Variants in MAP2K4 observed in about 807,000 individuals in gnomAD.
MAP2K4 encodes the protein mitogen-activated protein kinase kinase 4.
MAP2K4 carries 4 observed loss-of-function variants against 48.5 expected under a neutral mutation model. That is an observed-to-expected ratio of 0.08 (90% CI 0.04 to 0.19). MAP2K4 has a LOEUF of 0.19. MAP2K4 is among the 10% of genes least tolerant of loss of function. MAP2K4 has a pLI of 1.00. For synonymous variants in MAP2K4, 166 were observed against 173.1 expected (o/e 0.96, Z 0.32); for missense variants, 258 against 493.3 (o/e 0.52, Z 4.52).
At chr17:12,083,773 A>G (rs1161413279) in intron 3 of MAP2K4, among the ~76,000 whole-genome samples, 2 of 152,232 alleles carry the variant, frequency 1.3e-5, no homozygotes, top group Non-Finnish European at 2.9e-5. Context: ...GAGTTCATTC[A>G]TTCCTCATTT....
intron 9 of MAP2K4, among the ~76,000 whole-genome samples, chr17:12,135,514 G>T (rs542186304): frequency 6.6e-6 from 1 of 152,128 alleles, no homozygotes; most frequent in Non-Finnish European, 1.5e-5. Context: ...TTACAGTGGC[G>T]TGAGCCACTG....
intron 2 of MAP2K4, among the ~76,000 whole-genome samples, chr17:12,078,970 T>C (rs992119927): frequency 3.3e-5 from 5 of 152,240 alleles, no homozygotes; most frequent in Non-Finnish European, 7.3e-5. Context: ...CTTGGTGATG[T>C]CATAACTGTG....
chr17:12,062,643 A>G (rs1970486535), intron 2 of MAP2K4, among the ~76,000 whole-genome samples: 2 of 152,206 alleles, frequency 1.3e-5, no homozygotes, highest in African/African-American at 2.4e-5. Context: ...ATGTCTTTAA[A>G]TAAATAACCC....
chr17:12,061,281 T>G lies in MAP2K4; in HGVS notation c.218+6290T>G, dbSNP rs577914387. 6.6e-5 allele frequency among the ~76,000 whole-genome samples: 10 copies of G among 152,314 alleles called. No homozygotes were observed. In the South Asian group the frequency reaches 1.5e-3, roughly 22 times the overall value. ...GGCTCTAGTAAATAATGATGCTGTG[T>G]TTGGGATAATCTTTAAAGCTTAGAT... is the stretch of plus-strand genomic sequence containing the variant. On this transcript the variant is annotated intron_variant, in intron 2 of 10. Coordinates refer to ENST00000353533, the MANE Select transcript of MAP2K4 (RefSeq NM_003010.4).
intron 5 of MAP2K4, among the ~76,000 whole-genome samples, chr17:12,109,223 A>G (rs1056573522): frequency 3.3e-5 from 5 of 152,190 alleles, no homozygotes; most frequent in Non-Finnish European, 7.4e-5. Context: ...CCGCTGTATA[A>G]CAGGGTGACC....
At chr17:12,128,598 T>G (rs576707711) in intron 8 of MAP2K4, among the ~76,000 whole-genome samples, 5 of 152,152 alleles carry the variant, frequency 3.3e-5, no homozygotes, top group Admixed American at 6.5e-5. Flanking sequence ...CTTCACTACT[T>G]GTAAAATCTG....
intron 4 of MAP2K4, among the ~76,000 whole-genome samples, chr17:12,101,906 A>G (rs1251198093): frequency 6.6e-6 from 1 of 152,034 alleles, no homozygotes; most frequent in Admixed American, 6.6e-5. Context: ...AGCTTTTTTT[A>G]CCTGCCTTCA....
chr17:12,032,266 G>A, intron 1 of MAP2K4: 1 of 1,414,494 alleles, frequency 7.1e-7, no homozygotes, highest in South Asian at 1.5e-5. Context: ...TTTACTTTAG[G>A]CTTTCAGATA....
intron 1 of MAP2K4, among the ~76,000 whole-genome samples, chr17:12,053,120 A>G (rs1204050077): frequency 1.3e-5 from 2 of 152,146 alleles, no homozygotes; most frequent in South Asian, 2.1e-4. Flanking sequence ...GTAATCCTCT[A>G]TCTTTAAATA....
At chr17:12,122,234 A>G (rs1355771363) in intron 7 of MAP2K4, among the ~76,000 whole-genome samples, 3 of 152,238 alleles carry the variant, frequency 2.0e-5, no homozygotes, top group Non-Finnish European at 4.4e-5. Context: ...ATAATCAACT[A>G]TTCCGTACTT....
At chr17:12,124,282 CCTCTCT>C (rs1972782623) in intron 7 of MAP2K4, 1 of 151,938 alleles carries the variant, frequency 6.6e-6, no homozygotes, top group Non-Finnish European at 1.5e-5. Context: ...CCAACAGGAC[CCTCTCT>C]CTCTCTTCCC....
intron 2 of MAP2K4, among the ~76,000 whole-genome samples, chr17:12,059,102 A>C (rs984086285): frequency 6.6e-6 from 1 of 152,268 alleles, no homozygotes; most frequent in African/African-American, 2.4e-5. Context: ...ATCAATGATT[A>C]AAATTAGAAA....
At chr17:12,134,701 G>T (rs141519783) in intron 9 of MAP2K4, among the ~76,000 whole-genome samples, 8 of 152,204 alleles carry the variant, frequency 5.3e-5, no homozygotes, top group Admixed American at 2.0e-4. Flanking sequence ...ATCTAGATGT[G>T]TTCTGAGAAA....
At chr17:12,064,071 GTA>G (rs111248001) in intron 2 of MAP2K4, among the ~76,000 whole-genome samples, 3 of 150,238 alleles carry the variant, frequency 2.0e-5, no homozygotes, top group South Asian at 4.2e-4. Context: ...CATTCACAAT[GTA>G]TATATATATA....
intron 2 of MAP2K4, among the ~76,000 whole-genome samples, chr17:12,065,384 C>T (rs1230684368): frequency 3.3e-5 from 5 of 150,796 alleles, no homozygotes; most frequent in South Asian, 2.1e-4. Context: ...CTGCAACCTC[C>T]GCCTACTGGG....
At chr17:12,039,218 A>G (rs190779375) in intron 1 of MAP2K4, among the ~76,000 whole-genome samples, 1 of 152,220 alleles carries the variant, frequency 6.6e-6, no homozygotes, top group Non-Finnish European at 1.5e-5. Context: ...TTAGTAGGTC[A>G]GGAGACCTGT....
intron 1 of MAP2K4, among the ~76,000 whole-genome samples, chr17:12,045,256 T>C (rs1426368132): frequency 6.6e-6 from 1 of 152,228 alleles, no homozygotes; most frequent in Non-Finnish European, 1.5e-5. Flanking sequence ...GTTATAGTTA[T>C]AAAATATGGT....
intron 4 of MAP2K4, among the ~76,000 whole-genome samples, chr17:12,098,297 G>T (rs1463598089): frequency 6.6e-6 from 1 of 152,016 alleles, no homozygotes; most frequent in Non-Finnish European, 1.5e-5. Context: ...GGCCAATATG[G>T]TGACACTGCA....
intron 3 of MAP2K4, among the ~76,000 whole-genome samples, chr17:12,091,222 A>T (rs1473636758): frequency 1.3e-5 from 2 of 152,254 alleles, no homozygotes; most frequent in Non-Finnish European, 2.9e-5. Flanking sequence ...ATTTTGGTCC[A>T]TCGATGTTAT....
Sources: gnomAD v4.1 joint callset for allele counts (sites outside exome capture counted in the v4.1 genomes callset) on GRCh38, gnomAD v4.1.1 for gene constraint, MANE v1.5 for transcripts, NCBI Gene and HGNC (gene_info 2026-07-23, HGNC 2026-07-21) for gene names.